The following CHD1 variants were observed in gnomAD, a reference collection of about 807,000 sequenced individuals.
CHD1 encodes chromodomain helicase DNA binding protein 1.
In CHD1, 36 loss-of-function variants were observed where a neutral mutation model predicts 224.2. That is an observed-to-expected ratio of 0.16 (90% CI 0.12 to 0.21). The LOEUF is 0.21. Ranked by LOEUF, CHD1 falls within the 10% of genes least tolerant of loss-of-function variation. The pLI, the probability that CHD1 is intolerant of heterozygous loss-of-function variation, is 1.00. For synonymous variants in CHD1, 668 were observed against 658.3 expected, an observed-to-expected ratio of 1.01 and a Z score of -0.23; for missense variants, 1,378 against 1,994.8, an observed-to-expected ratio of 0.69 and a Z score of 5.89.
chr5:98,902,900 T>C lies in CHD1; in HGVS notation c.437A>G (p.Asp146Gly). Residue 146 changes from aspartate to glycine, a missense_variant and splice_region_variant, in exon 5 of 36, where the codon GAT becomes GGT. This residue lies in a region of CHD1 where 306 missense variants were observed against 298.1 expected (regional missense o/e 1.03). Transcript: ENST00000614616. ...SSEVKRKKHKDEDWQMSGSGS... is the reference protein window; with the variant it reads ...SSEVKRKKHKGEDWQMSGSGS... ...TAGTCAGTTGAACAAAATGACATACTCTTTATGCTTTTTCCTTTTGACCTC... is the reference window on the plus strand; with the variant it reads ...TAGTCAGTTGAACAAAATGACATACCCTTTATGCTTTTTCCTTTTGACCTC... 1 of 1,582,144 alleles carries C rather than the reference T, an allele frequency of 6.3e-7. No individual in the cohort carries two copies. The highest frequency in any genetic ancestry group is 8.7e-7 in the Non-Finnish European group (1 of 1,154,426).
Position 98,870,797 on chromosome 5 carries a change from G to T in CHD1, c.3868C>A (p.Pro1290Thr). 1 of 1,603,750 alleles carries T rather than the reference G, an allele frequency of 6.2e-7. No individual in the cohort carries two copies. Among genetic ancestry groups the T allele is most frequent in the Non-Finnish European group, 8.5e-7 (1 of 1,173,140 alleles). ...PDLSLTHKIL[P>T]DDPDKKPQAK... is the part of the protein sequence containing the mutation. ...TGTGGTTTTTTATCGGGATCATCTGGAAGAATCTGAAAAAGCAATAAATTT... is the reference window on the plus strand; with the variant it reads ...TGTGGTTTTTTATCGGGATCATCTGTAAGAATCTGAAAAAGCAATAAATTT... Residue 1290 changes from proline (P) to threonine (T), a missense_variant, in exon 29 of 36, where the codon CCA becomes ACA. Physicochemically the swap from Pro to Thr is conservative, Grantham distance 38. Transcript: ENST00000614616.
rs377125099 is a variant in CHD1, at chr5:98,889,184, G to A, written c.2235C>T (p.Thr745=). 356 of 1,610,356 alleles carry A rather than the reference G, an allele frequency of 2.2e-4. 4 individuals are homozygous for A. The South Asian group carries it at 3.3e-3, about 15-fold the overall frequency. The part of the protein sequence containing the change: ...KALSKGSKGS[T]SGFLNIMMEL... ...CCATCATAATGTTCAAAAAGCCTGA[G>A]GTACTGCCCTTGGAACCTTTGCTGA... The change falls in exon 16 of 36, where the codon ACC becomes ACT. Residue 745 remains threonine (T), a synonymous_variant. Transcript: ENST00000614616.
intron 30 of CHD1, chr5:98,868,955 T>G: frequency 1.3e-6 from 1 of 775,160 alleles, no homozygotes; most frequent in African/African-American, 1.9e-5. Context: ...TTTAGTCTCC[T>G]AAAATGTAAA....
intron 25 of CHD1, 31 bp from the exon 26 acceptor site, chr5:98,873,754 A>C (rs553533904): frequency 1.3e-6 from 2 of 1,586,172 alleles, no homozygotes; most frequent in African/African-American, 2.7e-5. Flanking sequence ...TTTCAGGTAA[A>C]TATGTTAAAT....
At chr5:98,915,083 AC>A (rs1752653311) in intron 2 of CHD1, among the ~76,000 whole-genome samples, 1 of 152,240 alleles carries the variant, frequency 6.6e-6, no homozygotes, top group South Asian at 2.1e-4. Context: ...AACTTTTTGG[AC>A]CATGACCTAT....
At position 98,881,229 on chromosome 5, in the gene CHD1, A is replaced by G. The variant is rs941032434; in HGVS notation, c.2964+50T>C. 2.0e-5 allele frequency: 26 copies of G among 1,272,000 alleles called. No homozygotes were observed. In the Admixed American group the frequency reaches 5.5e-4, roughly 27 times the overall value. The allele number at this position is 1,272,000 out of a possible 1,614,324, so 78.8% of individuals were successfully genotyped here. On this transcript the variant is annotated intron_variant, in intron 21 of 35. Coordinates refer to ENST00000614616, the MANE Select transcript of CHD1 (RefSeq NM_001270.4). ...TGAATCCTTTCATCCTGTCAAATAT[A>G]TGACACATATTCTGAGGCAGGCCTT...
At chr5:98,920,003 TA>T (rs890800881) in intron 2 of CHD1, among the ~76,000 whole-genome samples, 30 of 152,014 alleles carry the variant, frequency 2.0e-4, no homozygotes, top group Non-Finnish European at 3.1e-4. Context: ...CGAGCCAACC[TA>T]AAAAAGCTTC....
chr5:98,871,954 TC>T, intron 28 of CHD1, 96 bp downstream of exon 28: 1 of 1,173,528 alleles, frequency 8.5e-7, no homozygotes, highest in Non-Finnish European at 1.2e-6. Flanking sequence ...TGCCTTGGTT[TC>T]CAGATTTCCA....
At chr5:98,891,744 G>C (rs1050935128) in intron 15 of CHD1, among the ~76,000 whole-genome samples, 10 of 152,174 alleles carry the variant, frequency 6.6e-5, no homozygotes, top group African/African-American at 2.4e-4. Context: ...CCAGAAGGTG[G>C]AGGTTGCAGT....
At chr5:98,918,060 CTT>C (rs11301847) in intron 2 of CHD1, among the ~76,000 whole-genome samples, 63 of 139,928 alleles carry the variant, frequency 4.5e-4, no homozygotes, top group Non-Finnish European at 5.7e-4. Flanking sequence ...CACAGAAAAA[CTT>C]TTTTTTTTTT....
At chr5:98,926,918 TG>T (rs34603767) in intron 1 of CHD1, among the ~76,000 whole-genome samples, 24,221 of 59,424 alleles carry the variant, frequency 0.41, 2,810 homozygotes, top group Middle Eastern at 0.57. Context: ...ATAAATGAAG[TG>T]GGGGGGGGGG....
intron 31 of CHD1, among the ~76,000 whole-genome samples, 157 bp downstream of exon 31, chr5:98,868,338 A>G (rs936193882): frequency 1.3e-5 from 2 of 151,836 alleles, no homozygotes; most frequent in Non-Finnish European, 2.9e-5. Flanking sequence ...AAAGAAAAAA[A>G]AAAAAAAAAA....
In CHD1 at chr5:98,863,474, A is replaced by G; in HGVS notation, c.4361T>C (p.Ile1454Thr). The G allele has an allele frequency of 6.2e-7, 1 of 1,607,700 alleles. No individual in the cohort carries two copies. The highest frequency in any genetic ancestry group is 8.5e-7 in the Non-Finnish European group (1 of 1,176,596). Residue 1454 changes from isoleucine (I) to threonine (T), a missense_variant, in exon 32 of 36, where the codon ATT (isoleucine) becomes ACT (threonine). Coordinates refer to ENST00000614616, the MANE Select transcript of CHD1 (RefSeq NM_001270.4). ...TAGACATTCTGTGATATGGTCTCCA[A>G]TTTTTATTAAACATTGTCTAGTATG... ...LEHTRQCLIK[I>T]GDHITECLKE... is the part of the protein sequence containing the mutation.
intron 3 of CHD1, 117 bp from the exon 4 acceptor site, chr5:98,904,025 T>G (rs900960819): frequency 1.6e-6 from 1 of 625,174 alleles, no homozygotes; most frequent in Admixed American, 2.8e-5. Context: ...AAAGACTATA[T>G]TCCTTACCTA....
chr5:98,891,726 A>T (rs1751031033), intron 15 of CHD1, among the ~76,000 whole-genome samples: 1 of 152,304 alleles, frequency 6.6e-6, no homozygotes. Flanking sequence ...CACCAGAATC[A>T]TTTGAAACCA....
chr5:98,868,421 A>T, intron 31 of CHD1, 74 bp downstream of exon 31: 1 of 1,329,544 alleles, frequency 7.5e-7, no homozygotes. Context: ...TTCTAAATTA[A>T]ATGCTATAAA....
chr5:98,900,257 G>A (rs902062807), intron 7 of CHD1, among the ~76,000 whole-genome samples: 8 of 147,496 alleles, frequency 5.4e-5, no homozygotes, highest in East Asian at 2.0e-4. Flanking sequence ...ACTCCAGCCT[G>A]GACAACAGAA....
intron 2 of CHD1, among the ~76,000 whole-genome samples, chr5:98,911,147 ATATATATATATATATATATAT>A (rs1752386232): frequency 2.1e-5 from 1 of 47,754 alleles, no homozygotes; most frequent in East Asian, 4.6e-4. Context: ...AAAAAAAAAA[ATATATATATATATATATATAT>A]ATATATATAG....
chr5:98,880,769 A>G (rs1246168831), intron 22 of CHD1, among the ~76,000 whole-genome samples: 2 of 152,244 alleles, frequency 1.3e-5, no homozygotes, highest in African/African-American at 4.8e-5. Flanking sequence ...ATGGAAATCT[A>G]AGTAAGAGAT....
Sources: allele counts gnomAD v4.1 joint callset (sites outside exome capture counted in the v4.1 genomes callset), GRCh38; gene constraint gnomAD v4.1.1; regional missense constraint gnomAD v4.1.1; transcripts MANE v1.5; gene names NCBI Gene and HGNC (gene_info 2026-07-23, HGNC 2026-07-21).